The following VPS39 variants were observed in gnomAD, a reference collection of about 807,000 sequenced individuals.
VPS39 encodes VPS39 subunit of HOPS complex.
Under a neutral mutation model 121.0 loss-of-function variants are expected in VPS39, and 70 were observed. The observed-to-expected ratio is 0.58, with a 90% CI of 0.48 to 0.71. The LOEUF is 0.71. VPS39 is among the 30% of genes least tolerant of loss of function. The pLI, the probability that VPS39 is intolerant of heterozygous loss-of-function variation, is 0.00. For missense variants in VPS39, 818 were observed against 1,051.5 expected, an observed-to-expected ratio of 0.78 and a Z score of 3.07; for synonymous variants, 378 against 398.1, an observed-to-expected ratio of 0.95 and a Z score of 0.60.
At chr15:42,189,844 C>A in intron 4 of VPS39, among the ~76,000 whole-genome samples, 2 of 108,998 alleles carry the variant, frequency 1.8e-5, no homozygotes, top group South Asian at 3.4e-4. Context: ...ACTCTGTTGC[C>A]CAGGCTAGAG....
At chr15:42,191,058 G>T (rs2049818726) in intron 4 of VPS39, 67 bp downstream of exon 4, 1 of 1,547,388 alleles carries the variant, frequency 6.5e-7, no homozygotes, top group Non-Finnish European at 8.9e-7. Context: ...AATTAACCAT[G>T]AAAGGATTAA....
intron 2 of VPS39, chr15:42,199,547 A>G (rs1307100428): frequency 2.2e-6 from 1 of 459,586 alleles, no homozygotes; most frequent in Non-Finnish European, 4.4e-6. Context: ...ACCACACCAT[A>G]TATACAGGAA....
At chr15:42,203,992 C>T (rs1295232514) in intron 1 of VPS39, among the ~76,000 whole-genome samples, 6 of 152,242 alleles carry the variant, frequency 3.9e-5, no homozygotes, top group Admixed American at 1.3e-4. Flanking sequence ...AAACTCCTGA[C>T]GGCCTAACCC....
At chr15:42,178,792 G>A (rs930751559) in intron 8 of VPS39, 7 of 533,016 alleles carry the variant, frequency 1.3e-5, no homozygotes, top group Admixed American at 9.6e-5. Flanking sequence ...CACGTAGGCC[G>A]GAAGTTTGAG....
At chr15:42,198,770 T>A (rs559632464) in intron 2 of VPS39, among the ~76,000 whole-genome samples, 1 of 152,242 alleles carries the variant, frequency 6.6e-6, no homozygotes, top group East Asian at 1.9e-4. Context: ...CATTACATAT[T>A]GCCTACAGCT....
chr15:42,178,139 A>G (rs1344209265), intron 10 of VPS39, 79 bp downstream of exon 10: 4 of 1,593,416 alleles, frequency 2.5e-6, no homozygotes, highest in Non-Finnish European at 3.4e-6. Flanking sequence ...CTAACCCAAA[A>G]TAAATATGAA....
chr15:42,187,893 G>A, intron 5 of VPS39, 37 bp from the exon 6 acceptor site: 1 of 1,573,196 alleles, frequency 6.4e-7, no homozygotes, highest in Non-Finnish European at 8.7e-7. Flanking sequence ...AAAATACAAT[G>A]ACTCTCTCTA....
At chr15:42,179,352 G>A (rs949793158) in intron 8 of VPS39, among the ~76,000 whole-genome samples, 17 of 151,798 alleles carry the variant, frequency 1.1e-4, no homozygotes, top group African/African-American at 3.6e-4. Context: ...GGTGGATCAC[G>A]AGGTCAGGAG....
At chr15:42,187,474 G>C in intron 6 of VPS39, 111 bp from the exon 7 acceptor site, 1 of 964,398 alleles carries the variant, frequency 1.0e-6, no homozygotes, top group East Asian at 2.6e-5. Flanking sequence ...CCCTCATCGG[G>C]CACAATTCTA....
intron 17 of VPS39, 129 bp from the exon 18 acceptor site, chr15:42,165,242 C>T (rs1217077482): frequency 1.2e-6 from 1 of 834,554 alleles, no homozygotes; most frequent in Admixed American, 2.3e-5. Flanking sequence ...GCAAAGATGA[C>T]TAAGAGACAG....
chr15:42,199,611 G>C (rs1169938654), intron 2 of VPS39: 1 of 477,712 alleles, frequency 2.1e-6, no homozygotes, highest in Non-Finnish European at 4.1e-6. Context: ...TCAAAGAAAA[G>C]AGGAGGAAAA....
chr15:42,198,782 C>A (rs754603486), intron 2 of VPS39, among the ~76,000 whole-genome samples: 3 of 152,218 alleles, frequency 2.0e-5, no homozygotes, highest in Non-Finnish European at 2.9e-5. Context: ...CCTACAGCTG[C>A]TTTCATGTTA....
At position 42,164,718 on chromosome 15, in the gene VPS39, TTTC is replaced by T. The variant is rs1189717651; in HGVS notation, c.1898-235_1898-233del. 50 of 1,430,582 alleles carry T rather than the reference TTTC, an allele frequency of 3.5e-5. No homozygotes were observed. In the East Asian group the frequency reaches 1.2e-3, roughly 33 times the overall value. The allele number at this position is 1,430,582 out of a possible 1,614,324, so 88.6% of individuals were successfully genotyped here. ...GAGAAATACTCTGTGGGCAAACCTGTTTCTTATCAGTATAGCTGTCATCTTGCA... is the reference window on the plus strand; with the variant it reads ...GAGAAATACTCTGTGGGCAAACCTGTTTATCAGTATAGCTGTCATCTTGCA... On this transcript the variant is annotated intron_variant, in intron 18 of 24. Coordinates refer to ENST00000318006, the MANE Select transcript of VPS39 (RefSeq NM_015289.5).
At chr15:42,164,686 C>G (rs2049207315) in intron 18 of VPS39, 200 bp from the exon 19 acceptor site, 2 of 1,434,340 alleles carry the variant, frequency 1.4e-6, no homozygotes. Context: ...AAAAAATAAG[C>G]TGAATAGAGA....
intron 8 of VPS39, among the ~76,000 whole-genome samples, chr15:42,179,307 C>T (rs999252432): frequency 2.0e-5 from 3 of 151,772 alleles, no homozygotes; most frequent in Admixed American, 6.6e-5. Flanking sequence ...CAGTGGCTCA[C>T]GCCTGTAATC....
In VPS39 at chr15:42,166,845, C is replaced by T. The variant is rs762894524; in HGVS notation, c.1446G>A (p.Glu482=). The T allele has an allele frequency of 6.2e-7, 1 of 1,614,234 alleles. No homozygotes were observed. Among genetic ancestry groups the T allele is most frequent in the East Asian group, 2.2e-5 (1 of 44,884 alleles). ...ENNHCHIEES[E]HVLKKAHKYS... ...ACTTGTGAGCCTTCTTTAGCACGTG[C>T]TCGCTCTCCTCGATGTGGCAGTGAT... is the stretch of plus-strand genomic sequence containing the variant. Residue 482 remains glutamate (E), a synonymous_variant, in exon 14 of 25, where the codon GAG becomes GAA. Coordinates refer to ENST00000318006, the MANE Select transcript of VPS39 (RefSeq NM_015289.5).
chr15:42,161,015 C>G (rs2049116655), intron 24 of VPS39, 186 bp from the exon 25 acceptor site: 1 of 611,908 alleles, frequency 1.6e-6, no homozygotes, highest in African/African-American at 1.8e-5. Context: ...GTCAAATAAC[C>G]AAACAGAGGA....
At chr15:42,166,502 G>A in intron 15 of VPS39, 61 bp downstream of exon 15, 1 of 1,577,020 alleles carries the variant, frequency 6.3e-7, no homozygotes, top group South Asian at 1.1e-5. Context: ...AACAGAAACA[G>A]AGGGAGACCA....
At position 42,183,778 on chromosome 15, in the gene VPS39, T is replaced by C. The variant is rs144597468; in HGVS notation, c.718+739A>G. On this transcript the variant is annotated intron_variant, in intron 8 of 24. Transcript: ENST00000318006. Reference sequence around the variant, plus strand: ...TAACACCTTAAGCAGTGCCTTGTTTTGTCTCTTTATCCAAGACTGTAACCC... The same window carrying C: ...TAACACCTTAAGCAGTGCCTTGTTTCGTCTCTTTATCCAAGACTGTAACCC... 3.4e-3 allele frequency among the ~76,000 whole-genome samples: 518 copies of C among 152,348 alleles called. 4 individuals carry two copies. Among genetic ancestry groups the C allele is most frequent in the African/African-American group, 0.012 (502 of 41,580 alleles).
Sources: allele counts gnomAD v4.1 joint callset (sites outside exome capture counted in the v4.1 genomes callset), GRCh38; gene constraint gnomAD v4.1.1; transcripts MANE v1.5; gene names NCBI Gene and HGNC (gene_info 2026-07-23, HGNC 2026-07-21).